The following TTLL11 variants were observed in gnomAD, a reference collection of about 807,000 sequenced individuals.
The protein encoded by TTLL11 is tubulin tyrosine ligase like 11.
Under a neutral mutation model 51.7 loss-of-function variants are expected in TTLL11, and 42 were observed. The observed-to-expected ratio is 0.81, with a 90% CI of 0.64 to 1.05. The LOEUF is 1.05. TTLL11 is among the 50% of genes least tolerant of loss of function. The pLI is 0.00. For synonymous variants in TTLL11, 381 were observed against 383.5 expected (o/e 0.99, Z 0.08); for missense variants, 799 against 940.4 (o/e 0.85, Z 1.97).
intron 6 of TTLL11, among the ~76,000 whole-genome samples, chr9:121,925,571 T>G (rs1378780457): frequency 1.3e-5 from 2 of 152,182 alleles, no homozygotes. Context: ...ATTCTTCAAA[T>G]TCATGGCTTT....
intron 8 of TTLL11, among the ~76,000 whole-genome samples, chr9:121,826,175 A>T (rs1588049859): frequency 4.8e-5 from 2 of 41,978 alleles, no homozygotes; most frequent in African/African-American, 9.3e-5. Context: ...TATATATATA[A>T]CCAGTAACCT....
chr9:122,087,982 C>T (rs934914893), intron 1 of TTLL11, among the ~76,000 whole-genome samples: 7 of 152,154 alleles, frequency 4.6e-5, no homozygotes, highest in East Asian at 1.9e-4. Flanking sequence ...ACATTGTGGA[C>T]GCAGTTAAAT....
intron 4 of TTLL11, among the ~76,000 whole-genome samples, chr9:121,985,585 C>T (rs1842922947): frequency 7.0e-6 from 1 of 143,160 alleles, no homozygotes; most frequent in Admixed American, 7.3e-5. Context: ...GGCGCGATCT[C>T]GGCTCACTGC....
At chr9:121,891,344 C>T (rs762703647) in intron 6 of TTLL11, among the ~76,000 whole-genome samples, 7 of 152,214 alleles carry the variant, frequency 4.6e-5, no homozygotes, top group Non-Finnish European at 7.3e-5. Context: ...TCAGAGATCA[C>T]ATACGATATG....
chr9:121,859,524 A>G (rs1193481459), intron 8 of TTLL11, among the ~76,000 whole-genome samples: 2 of 151,990 alleles, frequency 1.3e-5, no homozygotes, highest in Non-Finnish European at 2.9e-5. Context: ...CAAAAAACAA[A>G]AGAGAGAGAG....
intron 8 of TTLL11, among the ~76,000 whole-genome samples, chr9:121,852,493 G>T (rs10760199): frequency 0.52 from 78,359 of 151,930 alleles, 20,999 homozygotes; most frequent in East Asian, 0.72. Context: ...TGGGCAACAA[G>T]TGTAGGGAGA....
chr9:121,828,617 T>C (rs1326490424), intron 8 of TTLL11, among the ~76,000 whole-genome samples: 1 of 152,216 alleles, frequency 6.6e-6, no homozygotes, highest in African/African-American at 2.4e-5. Flanking sequence ...CCGTCCCTGT[T>C]GAACACAAAG....
chr9:121,969,537 CT>C (rs1278065065), intron 6 of TTLL11, among the ~76,000 whole-genome samples: 1 of 152,142 alleles, frequency 6.6e-6, no homozygotes, highest in African/African-American at 2.4e-5. Flanking sequence ...GGGGGATCTA[CT>C]TTTTATCTTT....
intron 6 of TTLL11, among the ~76,000 whole-genome samples, chr9:121,907,397 C>T (rs1839983139): frequency 6.6e-6 from 1 of 151,254 alleles, no homozygotes; most frequent in East Asian, 1.9e-4. Flanking sequence ...TTGCAGTGAG[C>T]TGAAATCATG....
chr9:122,024,316 C>T (rs80200041), intron 3 of TTLL11, among the ~76,000 whole-genome samples: 1,584 of 152,204 alleles, frequency 0.01, 36 homozygotes, highest in African/African-American at 0.037. Context: ...GAAAGATACA[C>T]CATGTCAATG....
intron 1 of TTLL11, among the ~76,000 whole-genome samples, chr9:122,081,168 A>C (rs535015422): frequency 6.6e-6 from 1 of 152,316 alleles, no homozygotes; most frequent in Non-Finnish European, 1.5e-5. Context: ...ACTTATGTAA[A>C]CACTAACTGT....
At chr9:121,861,190 C>A (rs1459975232) in intron 7 of TTLL11, among the ~76,000 whole-genome samples, 1 of 151,374 alleles carries the variant, frequency 6.6e-6, no homozygotes, top group African/African-American at 2.4e-5. Context: ...TGGGTTCAAG[C>A]AGTTCTCCCT....
chr9:122,081,437 A>G (rs900787398), intron 1 of TTLL11, among the ~76,000 whole-genome samples: 4 of 152,244 alleles, frequency 2.6e-5, no homozygotes, highest in African/African-American at 9.6e-5. Context: ...GACAGAACTA[A>G]TATGTGGTGG....
intron 6 of TTLL11, among the ~76,000 whole-genome samples, chr9:121,934,321 T>A (rs1841113474): frequency 1.3e-5 from 2 of 152,142 alleles, no homozygotes; most frequent in South Asian, 4.1e-4. Flanking sequence ...CTATATAACG[T>A]CATACCTGCA....
rs1342400253 is a variant in TTLL11, at chr9:121,834,986, T to C, written c.1841-12107A>G. ...TCTTTTCACCCTGCTGGACTGAGTT[T>C]CATGAGGCCAGGAATCTGAGTTAAG... On this transcript the variant is annotated intron_variant, in intron 8 of 8. Coordinates refer to ENST00000321582, the MANE Select transcript of TTLL11 (RefSeq NM_001139442.2). 2.0e-5 allele frequency among the ~76,000 whole-genome samples: 3 copies of C among 152,154 alleles called. No homozygotes were observed. In the South Asian group the frequency reaches 6.2e-4, roughly 32 times the overall value.
At chr9:122,032,547 TA>T (rs1464004194) in intron 2 of TTLL11, among the ~76,000 whole-genome samples, 1 of 150,964 alleles carries the variant, frequency 6.6e-6, no homozygotes, top group Non-Finnish European at 1.5e-5. Context: ...TATAAAACAT[TA>T]AAAGAATGGT....
chr9:122,043,026 T>C (rs1426980787), intron 1 of TTLL11, among the ~76,000 whole-genome samples: 2 of 152,194 alleles, frequency 1.3e-5, no homozygotes, highest in East Asian at 3.9e-4. Context: ...CATGTCATTA[T>C]ACATTTTTCA....
intron 3 of TTLL11, among the ~76,000 whole-genome samples, chr9:122,007,721 T>C (rs866729605): frequency 1.3e-5 from 2 of 152,038 alleles, no homozygotes; most frequent in African/African-American, 4.8e-5. Context: ...AAGATAGAGG[T>C]AGATAATCAC....
chr9:121,966,155 C>T (rs538391081), intron 6 of TTLL11, among the ~76,000 whole-genome samples: 18 of 152,280 alleles, frequency 1.2e-4, no homozygotes, highest in Admixed American at 3.3e-4. Flanking sequence ...TACAGCAAAC[C>T]TGGTTGTTAG....
Sources: allele counts gnomAD v4.1 joint callset (sites outside exome capture counted in the v4.1 genomes callset), GRCh38; gene constraint gnomAD v4.1.1; transcripts MANE v1.5; gene names NCBI Gene and HGNC (gene_info 2026-07-23, HGNC 2026-07-21).